The following HYAL4 variants were observed in gnomAD, a reference collection of about 807,000 sequenced individuals.
HYAL4 encodes hyaluronidase 4, also known as hyaluronidase-4.
HYAL4 carries 37 observed loss-of-function variants against 35.2 expected under a neutral mutation model. The observed-to-expected ratio is 1.05, with a 90% CI of 0.81 to 1.38. The LOEUF (loss-of-function observed/expected upper bound fraction) is 1.38. Among genes scored for constraint, HYAL4 ranks in the 40% most tolerant of loss-of-function variants. The pLI is 0.00. For synonymous variants in HYAL4, 198 were observed against 203.2 expected, an observed-to-expected ratio of 0.97 and a Z score of 0.22; for missense variants, 572 against 572.4, an observed-to-expected ratio of 1.00 and a Z score of 0.01.
At chr7:123,866,976 A>C (rs1445425151) in intron 2 of HYAL4, among the ~76,000 whole-genome samples, 1 of 152,116 alleles carries the variant, frequency 6.6e-6, no homozygotes, top group Non-Finnish European at 1.5e-5. Context: ...TTTTTGGTAG[A>C]GATGGGGTTT....
At position 123,848,876 on chromosome 7, in the gene HYAL4, G is replaced by T. The variant is rs192309729; in HGVS notation, c.-52+718G>T. On this transcript the variant is annotated intron_variant, in intron 2 of 4. Transcript: ENST00000223026. ...GGATGATTTTTGGTTGTAAAACTGG[G>T]TCGTACATTTTCTTTCCAAATATTG... Among the ~76,000 whole-genome samples the T allele has an allele frequency of 2.5e-3, 375 of 152,222 alleles. 1 individual carries two copies. The highest frequency in any genetic ancestry group is 8.5e-3 in the African/African-American group (352 of 41,554).
At chr7:123,833,675 AT>A (rs575392844) in intron 1 of HYAL4, among the ~76,000 whole-genome samples, 34 of 151,530 alleles carry the variant, frequency 2.2e-4, no homozygotes, top group African/African-American at 8.0e-4. Context: ...GTCTAGGAGG[AT>A]TTTTCCAATG....
the HYAL4 span, among the ~76,000 whole-genome samples, chr7:123,809,024 G>A: frequency 6.6e-6 from 1 of 152,152 alleles, no homozygotes; most frequent in African/African-American, 2.4e-5. Flanking sequence ...TCAGACCATA[G>A]TACCACTGAC....
chr7:123,805,224 A>C, the HYAL4 span, among the ~76,000 whole-genome samples: 2 of 152,230 alleles, frequency 1.3e-5, no homozygotes, highest in African/African-American at 4.8e-5. Context: ...GAGTAGAAAT[A>C]CATCTGACTT....
At chr7:123,848,685 G>A (rs1190246473) in intron 2 of HYAL4, among the ~76,000 whole-genome samples, 3 of 152,092 alleles carry the variant, frequency 2.0e-5, no homozygotes, top group African/African-American at 7.2e-5. Context: ...GTATTAGTGC[G>A]TATTTTGACA....
At position 123,876,934 on chromosome 7, in the gene HYAL4, G is replaced by A. The variant is rs1807042419; in HGVS notation, c.1225G>A (p.Ala409Thr). Residue 409 changes from alanine (A) to threonine (T), a missense_variant, in exon 5 of 5, where the codon GCC becomes ACC. Transcript: ENST00000223026. ...GAACCCTGCAAGTTACCACATAGAG[G>A]CCTCTGAGGACGGGGAGTTTACTGT... Reference protein sequence around the residue: ...HLNPASYHIEASEDGEFTVKG... With the variant: ...HLNPASYHIETSEDGEFTVKG... 7 of 1,614,158 alleles carry A rather than the reference G, an allele frequency of 4.3e-6. No homozygotes were observed. Among genetic ancestry groups the A allele is most frequent in the South Asian group, 1.1e-5 (1 of 91,070 alleles).
chr7:123,812,346 GA>G, the HYAL4 span, among the ~76,000 whole-genome samples: 1 of 149,848 alleles, frequency 6.7e-6, no homozygotes, highest in African/African-American at 2.5e-5. Flanking sequence ...AAAATAGCTA[GA>G]AAAAATAAAA....
At chr7:123,771,255 A>G in the HYAL4 span, among the ~76,000 whole-genome samples, 1 of 152,210 alleles carries the variant, frequency 6.6e-6, no homozygotes, top group Admixed American at 6.5e-5. Flanking sequence ...ACTGAATCTC[A>G]TATTTATTGA....
Position 123,868,278 on chromosome 7 carries a change from A to G in HYAL4, c.5A>G (p.Lys2Arg). The change falls in exon 3 of 5, where the codon AAA becomes AGA. Residue 2 changes from lysine to arginine, a missense_variant. Lys to Arg is a conservative substitution (Grantham distance 26, BLOSUM62 2). Coordinates refer to ENST00000223026, the MANE Select transcript of HYAL4 (RefSeq NM_012269.3). ...ACGTAACATTTTTATCTTACCATGAAAGTATTATCTGAAGGACAGTTAAAG... is the reference window on the plus strand; with the variant it reads ...ACGTAACATTTTTATCTTACCATGAGAGTATTATCTGAAGGACAGTTAAAG... M[K>R]VLSEGQLKLC... is the part of the protein sequence containing the mutation. The G allele has an allele frequency of 6.6e-7, 1 of 1,523,100 alleles. No homozygotes were observed. The highest frequency in any genetic ancestry group is 8.8e-7 in the Non-Finnish European group (1 of 1,137,222). The allele number at this position is 1,523,100 out of a possible 1,614,324, so 94.3% of individuals were successfully genotyped here.
the HYAL4 span, among the ~76,000 whole-genome samples, chr7:123,805,325 A>G: frequency 1.3e-5 from 2 of 152,208 alleles, no homozygotes; most frequent in Non-Finnish European, 2.9e-5. Context: ...CATAAGCAAT[A>G]ATGTTGTTGG....
chr7:123,875,794 T>C (rs576392961), intron 4 of HYAL4, among the ~76,000 whole-genome samples: 243 of 152,266 alleles, frequency 1.6e-3, no homozygotes, highest in Non-Finnish European at 3.1e-3. Flanking sequence ...TATTTCCAGA[T>C]GCGGTTTGTT....
At chr7:123,776,180 G>T in the HYAL4 span, among the ~76,000 whole-genome samples, 30 of 152,334 alleles carry the variant, frequency 2.0e-4, no homozygotes, top group Non-Finnish European at 4.3e-4. Context: ...CTGGGACTCA[G>T]CATGACTGGG....
the HYAL4 span, among the ~76,000 whole-genome samples, chr7:123,807,918 ATT>A: frequency 7.5e-6 from 1 of 134,040 alleles, no homozygotes; most frequent in Non-Finnish European, 1.6e-5. Context: ...CTGGATAATT[ATT>A]ATTATTATTA....
intron 3 of HYAL4, among the ~76,000 whole-genome samples, chr7:123,870,259 T>C (rs545123716): frequency 1.3e-5 from 2 of 152,250 alleles, no homozygotes; most frequent in South Asian, 2.1e-4. Context: ...CCAGGTATCT[T>C]TGGAACATAA....
chr7:123,863,857 CAAGT>C (rs1806631165), intron 2 of HYAL4, among the ~76,000 whole-genome samples: 1 of 152,012 alleles, frequency 6.6e-6, no homozygotes, highest in African/African-American at 2.4e-5. Flanking sequence ...TTATCACAAG[CAAGT>C]AAGCTTCTTT....
At chr7:123,765,130 C>T in the HYAL4 span, among the ~76,000 whole-genome samples, 1 of 152,024 alleles carries the variant, frequency 6.6e-6, no homozygotes. Context: ...AAATCAATTT[C>T]TCAAAGAAAA....
upstream of HYAL4, among the ~76,000 whole-genome samples, chr7:123,841,315 C>A (rs1206640599): frequency 6.6e-6 from 1 of 151,938 alleles, no homozygotes; most frequent in African/African-American, 2.4e-5. Context: ...GTTGAACAAG[C>A]CTTGCGTCCC....
intron 1 of HYAL4, among the ~76,000 whole-genome samples, chr7:123,846,645 C>G (rs868471666): frequency 6.6e-6 from 1 of 152,136 alleles, no homozygotes; most frequent in African/African-American, 2.4e-5. Flanking sequence ...CACACCCTCC[C>G]CTGAGGTCTG....
At chr7:123,872,035 G>A (rs1806895920) in intron 3 of HYAL4, among the ~76,000 whole-genome samples, 1 of 152,126 alleles carries the variant, frequency 6.6e-6, no homozygotes, top group South Asian at 2.1e-4. Flanking sequence ...TTTACAGGGT[G>A]CAAGTGCAGT....
Sources: allele counts gnomAD v4.1 joint callset (sites outside exome capture counted in the v4.1 genomes callset), GRCh38; gene constraint gnomAD v4.1.1; transcripts MANE v1.5; gene names NCBI Gene and HGNC (gene_info 2026-07-23, HGNC 2026-07-21).